Variants in FILIP1L observed in about 807,000 individuals in gnomAD.
The protein encoded by FILIP1L is filamin A interacting protein 1 like.
A neutral mutation model predicts 96.6 loss-of-function variants in FILIP1L; 55 were observed. That is an observed-to-expected ratio of 0.57 (90% confidence interval 0.46 to 0.71). The LOEUF (loss-of-function observed/expected upper bound fraction) is 0.71. Among genes scored for constraint, FILIP1L ranks in the 30% least tolerant of loss-of-function variants. The probability of loss-of-function intolerance (pLI) is 0.00; values close to 1 mark genes in which losing one functional copy is unlikely to be tolerated. For missense variants in FILIP1L, 1,304 were observed against 1,321.2 expected (o/e 0.99, Z 0.20); for synonymous variants, 467 against 473.9 (o/e 0.99, Z 0.19).
At chr3:100,099,391 A>T (rs1386802798) in intron 1 of FILIP1L, among the ~76,000 whole-genome samples, 1 of 152,196 alleles carries the variant, frequency 6.6e-6, no homozygotes, top group African/African-American at 2.4e-5. Flanking sequence ...TCACTTTCCA[A>T]ATTTTCTGAT....
At chr3:99,991,949 T>C (rs1172614901) in intron 1 of FILIP1L, among the ~76,000 whole-genome samples, 2 of 147,140 alleles carry the variant, frequency 1.4e-5, no homozygotes, top group Non-Finnish European at 3.0e-5. Flanking sequence ...TGTATATATG[T>C]GTATATATGT....
At chr3:99,948,095 C>T (rs1306021983) in intron 1 of FILIP1L, among the ~76,000 whole-genome samples, 2 of 152,156 alleles carry the variant, frequency 1.3e-5, no homozygotes, top group Non-Finnish European at 2.9e-5. Context: ...AGTATGTCAT[C>T]ATTTTAATGC....
At chr3:99,918,455 AACTC>A in intron 4 of FILIP1L, among the ~76,000 whole-genome samples, 1 of 152,300 alleles carries the variant, frequency 6.6e-6, no homozygotes, top group South Asian at 2.1e-4. Flanking sequence ...GTAAGCAATA[AACTC>A]ACTATCATGT....
chr3:100,054,477 A>G (rs1035711080), intron 1 of FILIP1L, among the ~76,000 whole-genome samples: 33 of 138,180 alleles, frequency 2.4e-4, no homozygotes, highest in African/African-American at 5.6e-4. Flanking sequence ...CGTTCATTAT[A>G]TTATGTTATG....
In FILIP1L at chr3:100,056,621, T is replaced by C. The variant is rs143427875; in HGVS notation, c.-11+57432A>G. 3.9e-4 allele frequency among the ~76,000 whole-genome samples: 60 copies of C among 152,170 alleles called. 2 individuals are homozygous for C. In the South Asian group the frequency reaches 0.01, roughly 26 times the overall value. ...CATAATCTAATTAACACAGCTAATG[T>C]TGAGTTTCTAGGCAGCTGGAAACAA... is the stretch of plus-strand genomic sequence containing the variant. On this transcript the variant is annotated intron_variant, in intron 1 of 5. Coordinates refer to ENST00000477258, the MANE Select transcript of FILIP1L (RefSeq NM_001387850.1).
intron 1 of FILIP1L, among the ~76,000 whole-genome samples, chr3:100,099,425 A>G (rs977952055): frequency 2.0e-5 from 3 of 152,232 alleles, no homozygotes; most frequent in Non-Finnish European, 4.4e-5. Flanking sequence ...AAACAAGTAT[A>G]CAAGGGTAAG....
intron 1 of FILIP1L, among the ~76,000 whole-genome samples, chr3:100,016,742 A>AT (rs1182474333): frequency 4.3e-4 from 66 of 152,316 alleles, no homozygotes; most frequent in African/African-American, 1.5e-3. Context: ...CTTGAATCTG[A>AT]ATTGTAACAT....
intron 1 of FILIP1L, among the ~76,000 whole-genome samples, chr3:100,113,334 G>A (rs1191408737): frequency 6.6e-6 from 1 of 152,188 alleles, no homozygotes; most frequent in African/African-American, 2.4e-5. Flanking sequence ...CAGCAGCCTA[G>A]CATCATTTCC....
chr3:99,925,054 C>T (rs1011735164), intron 3 of FILIP1L, among the ~76,000 whole-genome samples: 16 of 152,166 alleles, frequency 1.1e-4, no homozygotes, highest in African/African-American at 3.9e-4. Context: ...AATCCTTGCA[C>T]GGTGCTGGAT....
At chr3:99,951,085 C>T (rs1708163510) in intron 1 of FILIP1L, among the ~76,000 whole-genome samples, 1 of 152,192 alleles carries the variant, frequency 6.6e-6, no homozygotes. Flanking sequence ...AGTTAAGTCA[C>T]TTACACTTAA....
chr3:99,995,007 T>C (rs1348370852), intron 1 of FILIP1L, among the ~76,000 whole-genome samples: 1 of 152,152 alleles, frequency 6.6e-6, no homozygotes, highest in Non-Finnish European at 1.5e-5. Flanking sequence ...CCAAATCTCA[T>C]GTCCTCACAT....
chr3:99,930,126 T>G, intron 2 of FILIP1L, 97 bp from the exon 3 acceptor site: 1 of 978,776 alleles, frequency 1.0e-6, no homozygotes. Flanking sequence ...TTCTTCTCTT[T>G]CAAATCTAAA....
At chr3:100,081,689 T>C (rs1271937669) in intron 1 of FILIP1L, among the ~76,000 whole-genome samples, 2 of 152,236 alleles carry the variant, frequency 1.3e-5, no homozygotes, top group African/African-American at 2.4e-5. Flanking sequence ...TTTTAAAATA[T>C]ATCCATCAAT....
chr3:99,971,017 A>C (rs1003039424), intron 1 of FILIP1L, among the ~76,000 whole-genome samples: 1 of 152,178 alleles, frequency 6.6e-6, no homozygotes, highest in African/African-American at 2.4e-5. Flanking sequence ...TTTAACAGCA[A>C]GGATTGGCAG....
At chr3:100,096,711 G>A (rs1382632184) in intron 1 of FILIP1L, among the ~76,000 whole-genome samples, 2 of 151,696 alleles carry the variant, frequency 1.3e-5, no homozygotes, top group Non-Finnish European at 2.9e-5. Context: ...TAGCACAACA[G>A]AGTGACTACA....
intron 1 of FILIP1L, among the ~76,000 whole-genome samples, chr3:99,996,874 G>A (rs145731628): frequency 8.6e-4 from 130 of 150,844 alleles, no homozygotes; most frequent in African/African-American, 3.0e-3. Context: ...ATGAGATTTG[G>A]GTGGGGACAC....
At chr3:100,090,435 A>G (rs1407547732) in intron 1 of FILIP1L, among the ~76,000 whole-genome samples, 3 of 152,178 alleles carry the variant, frequency 2.0e-5, no homozygotes, top group Non-Finnish European at 4.4e-5. Flanking sequence ...AACATTTTCT[A>G]AGAAATTTAG....
chr3:99,956,707 C>G (rs1178133473), intron 1 of FILIP1L, among the ~76,000 whole-genome samples: 2 of 152,104 alleles, frequency 1.3e-5, no homozygotes, highest in Non-Finnish European at 2.9e-5. Context: ...TCAAATACCC[C>G]CTTCCCTTCT....
At chr3:99,965,030 T>C (rs577438330) in intron 1 of FILIP1L, among the ~76,000 whole-genome samples, 1 of 152,330 alleles carries the variant, frequency 6.6e-6, no homozygotes, top group South Asian at 2.1e-4. Flanking sequence ...GCTGTATCTG[T>C]AAATAAATTA....
Sources: gnomAD v4.1 joint callset for allele counts (sites outside exome capture counted in the v4.1 genomes callset) on GRCh38, gnomAD v4.1.1 for gene constraint, MANE v1.5 for transcripts, NCBI Gene and HGNC (gene_info 2026-07-23, HGNC 2026-07-21) for gene names.